Variants in MYSM1 observed in about 807,000 individuals in gnomAD.
The protein encoded by MYSM1 is deubiquitinase MYSM1.
Under a neutral mutation model 116.0 loss-of-function variants are expected in MYSM1, and 51 were observed. The ratio of observed to expected loss-of-function variants is 0.44; its 90% confidence interval spans 0.35 to 0.56. The LOEUF (loss-of-function observed/expected upper bound fraction) is 0.56. Ranked by LOEUF, MYSM1 falls within the 20% of genes least tolerant of loss-of-function variation. MYSM1 has a pLI of 0.00. For missense variants in MYSM1, 900 were observed against 974.9 expected, an observed-to-expected ratio of 0.92 and a Z score of 1.02; for synonymous variants, 313 against 315.2, an observed-to-expected ratio of 0.99 and a Z score of 0.07.
intron 1 of MYSM1, chr1:58,699,683 G>A (rs1258912421): frequency 2.1e-5 from 21 of 985,324 alleles, no homozygotes; most frequent in Admixed American, 6.1e-5. Flanking sequence ...CTGAAAAGGA[G>A]GGAACGGAAG....
Position 58,659,154 on chromosome 1 carries a change from AAAATT to A in MYSM1, c.*838_*842del, listed in dbSNP as rs1408602027. The A allele has an allele frequency of 6.6e-6, 1 of 152,182 alleles. No individual in the cohort carries two copies. Among genetic ancestry groups the A allele is most frequent in the African/African-American group, 2.4e-5 (1 of 41,454 alleles). 9.4% of individuals were successfully genotyped at this position (152,182 alleles called of 1,614,324 possible). On this transcript the variant is annotated 3_prime_UTR_variant, in exon 20 of 20. Coordinates refer to ENST00000472487, the MANE Select transcript of MYSM1 (RefSeq NM_001085487.3). The stretch of plus-strand genomic sequence containing the variant: ...AACATGTCCTGAAAGGCTTGTTTTA[AAAATT>A]AAATCTCTGATTTATTCCAGCTTTA...
intron 8 of MYSM1, among the ~76,000 whole-genome samples, chr1:58,678,124 T>G (rs1644681218): frequency 6.6e-6 from 1 of 152,132 alleles, no homozygotes; most frequent in African/African-American, 2.4e-5. Flanking sequence ...TAGTGCTAAG[T>G]AAGAAGGTCA....
chr1:58,673,702 T>G (rs554156457), intron 10 of MYSM1, 52 bp from the exon 11 acceptor site: 2 of 1,412,966 alleles, frequency 1.4e-6, no homozygotes, highest in East Asian at 4.6e-5. Flanking sequence ...TATGGAGAAA[T>G]CATAGCACAT....
At chr1:58,683,050 T>G (rs1226939206) in intron 7 of MYSM1, among the ~76,000 whole-genome samples, 1 of 152,226 alleles carries the variant, frequency 6.6e-6, no homozygotes, top group Non-Finnish European at 1.5e-5. Context: ...GGTAGGACCA[T>G]AGACTACAAC....
intron 2 of MYSM1, 112 bp downstream of exon 2, chr1:58,695,014 ATAT>A (rs1184403707): frequency 4.1e-6 from 2 of 491,740 alleles, no homozygotes; most frequent in Non-Finnish European, 3.5e-6. Flanking sequence ...AAAAAGAAAA[ATAT>A]TATATCTGTG....
rs1569751084 is a variant in MYSM1, at chr1:58,676,866, A to G, written c.1390+60T>C. 1.0e-5 allele frequency: 16 copies of G among 1,556,000 alleles called. No homozygotes were observed. In the East Asian group the frequency reaches 2.3e-4, roughly 23 times the overall value. On this transcript the variant is annotated intron_variant, in intron 9 of 19. Transcript: ENST00000472487. ...TGAATTCTAACCATCATAGAAATGA[A>G]TAAGTGCTGTAAGGATAAAAAATGT... is the stretch of plus-strand genomic sequence containing the variant.
intron 8 of MYSM1, 103 bp downstream of exon 8, chr1:58,681,682 T>G: frequency 1.7e-6 from 2 of 1,143,084 alleles, no homozygotes; most frequent in South Asian, 1.8e-5. Flanking sequence ...ACTGTAGTGA[T>G]CTCTAGATTT....
At chr1:58,699,723 G>A (rs1645035154) in intron 1 of MYSM1, 8 of 985,326 alleles carry the variant, frequency 8.1e-6, no homozygotes, top group Non-Finnish European at 9.6e-6. Flanking sequence ...CAAACGCAAT[G>A]TGGTAGGCGA....
chr1:58,669,299 A>T (rs961465496), intron 12 of MYSM1, among the ~76,000 whole-genome samples: 8 of 152,138 alleles, frequency 5.3e-5, no homozygotes, highest in Non-Finnish European at 1.2e-4. Context: ...GACACTATAA[A>T]CTATCAGACA....
Position 58,692,903 on chromosome 1 carries a change from T to C in MYSM1, c.176A>G (p.Glu59Gly), listed in dbSNP as rs765497450. The stretch of plus-strand genomic sequence containing the variant: ...TTTCTCAATAACAGCTCTGTTCTCT[T>C]CACTGATGGTGTTATCCAAGGTCCA... Reference protein sequence around the residue: ...IPWTLDNTISEENRAVIEKML... With the variant: ...IPWTLDNTISGENRAVIEKML... The change falls in exon 3 of 20, where the codon GAA (glutamate) becomes GGA (glycine). Residue 59 changes from glutamate to glycine, a missense_variant. By Grantham distance (98) the Glu-to-Gly change is moderately conservative. This residue lies in a region of MYSM1 where 622 missense variants were observed against 623.7 expected (regional missense o/e 1.00). Coordinates refer to ENST00000472487, the MANE Select transcript of MYSM1 (RefSeq NM_001085487.3). 6.2e-7 allele frequency: 1 copy of C among 1,610,214 alleles called. No homozygotes were observed. The highest frequency in any genetic ancestry group is 8.5e-7 in the Non-Finnish European group (1 of 1,178,356).
intron 2 of MYSM1, among the ~76,000 whole-genome samples, 179 bp downstream of exon 2, chr1:58,694,950 T>C (rs1259330503): frequency 6.6e-6 from 1 of 151,816 alleles, no homozygotes; most frequent in Non-Finnish European, 1.5e-5. Flanking sequence ...CATTTTTCAA[T>C]GTCAAAAGAA....
At chr1:58,693,814 A>T (rs1644934937) in intron 2 of MYSM1, among the ~76,000 whole-genome samples, 1 of 152,198 alleles carries the variant, frequency 6.6e-6, no homozygotes, top group Admixed American at 6.5e-5. Flanking sequence ...TAAATTTGCT[A>T]ATCTCTATTA....
At chr1:58,693,205 G>C (rs1362463051) in intron 2 of MYSM1, among the ~76,000 whole-genome samples, 1 of 152,104 alleles carries the variant, frequency 6.6e-6, no homozygotes, top group Non-Finnish European at 1.5e-5. Flanking sequence ...CCCAGGATGA[G>C]GTAATAATCG....
intron 12 of MYSM1, 147 bp downstream of exon 12, chr1:58,671,723 C>A: frequency 1.7e-6 from 1 of 602,272 alleles, no homozygotes. Flanking sequence ...AATTCATAAT[C>A]AGTGAAACAA....
intron 8 of MYSM1, among the ~76,000 whole-genome samples, chr1:58,678,648 TAAA>T (rs1354258394): frequency 6.6e-6 from 1 of 152,096 alleles, no homozygotes; most frequent in Admixed American, 6.5e-5. Flanking sequence ...AGTAAACAAA[TAAA>T]AATGTAATTA....
In MYSM1 at chr1:58,682,535, C is replaced by A; in HGVS notation, c.509G>T (p.Gly170Val). The part of the protein sequence containing the change: ...RQYFKNKVKC[G>V]LDKETPNQKT... ...CTGATTTGGTGTTTCTTTATCCAGA[C>A]CGCATTTGACCTTATTAAAAATCAA... is the stretch of plus-strand genomic sequence containing the variant. The change falls in exon 8 of 20, where the codon GGT becomes GTT. Residue 170 changes from glycine to valine, a missense_variant. Coordinates refer to ENST00000472487, the MANE Select transcript of MYSM1 (RefSeq NM_001085487.3). 6.4e-7 allele frequency: 1 copy of A among 1,567,230 alleles called. No homozygotes were observed. Among genetic ancestry groups the A allele is most frequent in the Non-Finnish European group, 8.6e-7 (1 of 1,161,164 alleles).
chr1:58,663,486 G>T (rs1358623518), intron 17 of MYSM1, among the ~76,000 whole-genome samples: 1 of 152,134 alleles, frequency 6.6e-6, no homozygotes, highest in Non-Finnish European at 1.5e-5. Flanking sequence ...GTATCCCATG[G>T]CTTCTAGAAA....
intron 16 of MYSM1, among the ~76,000 whole-genome samples, chr1:58,666,688 C>T (rs1644476200): frequency 6.7e-6 from 1 of 148,360 alleles, no homozygotes; most frequent in Non-Finnish European, 1.5e-5. Context: ...GCCTGGCTAA[C>T]ATGGTGAAAC....
At chr1:58,687,511 T>C (rs1389203928) in intron 6 of MYSM1, among the ~76,000 whole-genome samples, 1 of 152,210 alleles carries the variant, frequency 6.6e-6, no homozygotes, top group Non-Finnish European at 1.5e-5. Flanking sequence ...TGTAAGCATA[T>C]ATGTTAGTAC....
Sources: gnomAD v4.1 joint callset for allele counts (sites outside exome capture counted in the v4.1 genomes callset) on GRCh38, gnomAD v4.1.1 for gene constraint, gnomAD v4.1.1 regional missense constraint, MANE v1.5 for transcripts, NCBI Gene and HGNC (gene_info 2026-07-23, HGNC 2026-07-21) for gene names.